The following SVOPL variants were observed in gnomAD, a reference collection of about 807,000 sequenced individuals.
SVOPL encodes the protein putative transporter SVOPL.
In SVOPL, 60 loss-of-function variants were observed where a neutral mutation model predicts 61.0. The ratio of observed to expected loss-of-function variants is 0.98; its 90% CI spans 0.80 to 1.22. The LOEUF (loss-of-function observed/expected upper bound fraction) is 1.22, where lower values mean the gene tolerates loss of function less well. SVOPL is among the 50% of genes most tolerant of loss of function. SVOPL has a pLI of 0.00. For missense variants in SVOPL, 662 were observed against 643.9 expected (o/e 1.03, Z -0.30); for synonymous variants, 279 against 250.0 (o/e 1.12, Z -1.09).
At chr7:138,692,201 G>A (rs1647230461) in intron 1 of SVOPL, among the ~76,000 whole-genome samples, 1 of 152,158 alleles carries the variant, frequency 6.6e-6, no homozygotes, top group Admixed American at 6.6e-5. Flanking sequence ...AGCCTTATGA[G>A]TTTCACGTCA....
At chr7:138,655,585 A>C (rs981852194) in intron 7 of SVOPL, among the ~76,000 whole-genome samples, 11 of 150,942 alleles carry the variant, frequency 7.3e-5, no homozygotes, top group African/African-American at 1.7e-4. Flanking sequence ...ACACACACAC[A>C]CCCCTACACA....
At chr7:138,622,270 G>C (rs28838300) in intron 13 of SVOPL, among the ~76,000 whole-genome samples, 33,658 of 81,776 alleles carry the variant, frequency 0.41, 5,809 homozygotes, top group East Asian at 0.63. Context: ...ATCTATCTAT[G>C]TATCTATCTA....
chr7:138,660,739 A>T, intron 5 of SVOPL: 1 of 985,394 alleles, frequency 1.0e-6, no homozygotes, highest in Non-Finnish European at 1.2e-6. Context: ...TTCAAGGTTC[A>T]TGTTTCATAC....
rs188872700 is a variant in SVOPL, at chr7:138,688,261, C to T, written c.-34-9182G>A. Among the ~76,000 whole-genome samples, 151 of 149,438 alleles carry T rather than the reference C, an allele frequency of 1.0e-3. 1 individual carries two copies. Among genetic ancestry groups the T allele is most frequent in the African/African-American group, 3.7e-3 (145 of 39,684 alleles). On this transcript the variant is annotated intron_variant, in intron 1 of 15. Transcript: ENST00000674285. Reference sequence around the variant, plus strand: ...TATCACTTCCTACTCAGTAGGATGCCGAAAAATTTTGGGGTTTTTTTTTTT... The same window carrying T: ...TATCACTTCCTACTCAGTAGGATGCTGAAAAATTTTGGGGTTTTTTTTTTT...
At chr7:138,668,030 C>G (rs1047393074) in intron 4 of SVOPL, among the ~76,000 whole-genome samples, 1 of 152,126 alleles carries the variant, frequency 6.6e-6, no homozygotes, top group Non-Finnish European at 1.5e-5. Context: ...TCTGACCCTC[C>G]CTAAACTGTT....
chr7:138,655,592 C>A (rs1453107177), intron 7 of SVOPL, among the ~76,000 whole-genome samples: 1 of 151,404 alleles, frequency 6.6e-6, no homozygotes, highest in Non-Finnish European at 1.5e-5. Context: ...CACACCCCTA[C>A]ACACACACTC....
In SVOPL at chr7:138,701,326, C is replaced by T. The variant is rs1228618772; in HGVS notation, c.-183G>A. 1 of 152,370 alleles carries T rather than the reference C, an allele frequency of 6.6e-6. No individual in the cohort carries two copies. The highest frequency in any genetic ancestry group is 2.1e-4 in the South Asian group (1 of 4,824). 9.4% of individuals were successfully genotyped at this position (152,370 alleles called of 1,614,324 possible). On this transcript the variant is annotated 5_prime_UTR_variant, in exon 1 of 16. Coordinates refer to ENST00000674285, the MANE Select transcript of SVOPL (RefSeq NM_001139456.2). Reference sequence around the variant, plus strand: ...AGACGCCTGGCTCCCTGGTCTTATCCTCTCCTTTCAGGTCGGGTCTCAGAT... The same window carrying T: ...AGACGCCTGGCTCCCTGGTCTTATCTTCTCCTTTCAGGTCGGGTCTCAGAT...
At chr7:138,611,902 C>A (rs1190023060) in intron 14 of SVOPL, among the ~76,000 whole-genome samples, 8 of 30,590 alleles carry the variant, frequency 2.6e-4, no homozygotes, top group African/African-American at 4.6e-4. Context: ...GTGTGCCCAA[C>A]AGCTCATTGA....
chr7:138,635,290 A>G (rs1030147277), intron 9 of SVOPL, among the ~76,000 whole-genome samples: 18 of 151,062 alleles, frequency 1.2e-4, no homozygotes, highest in African/African-American at 4.1e-4. Flanking sequence ...AAAAAAGTTA[A>G]TATGGTAAAT....
chr7:138,675,237 AAAAAAAG>A (rs1802529188), intron 3 of SVOPL, among the ~76,000 whole-genome samples: 1 of 150,256 alleles, frequency 6.7e-6, no homozygotes, highest in African/African-American at 2.4e-5. Flanking sequence ...CTCATCTCAA[AAAAAAAG>A]AAAAAAGAAA....
At chr7:138,671,885 C>T (rs1319261978) in intron 4 of SVOPL, 134 bp downstream of exon 4, 5 of 718,450 alleles carry the variant, frequency 7.0e-6, no homozygotes, top group East Asian at 5.4e-5. Flanking sequence ...ACATCAAATG[C>T]TGCAAACCCT....
At chr7:138,611,315 T>C (rs1428595845) in intron 14 of SVOPL, among the ~76,000 whole-genome samples, 1 of 151,930 alleles carries the variant, frequency 6.6e-6, no homozygotes, top group Non-Finnish European at 1.5e-5. Context: ...GAGGCAGAGG[T>C]TGTAGTGGGC....
chr7:138,692,081 C>G (rs752185431), intron 1 of SVOPL, among the ~76,000 whole-genome samples: 1 of 151,844 alleles, frequency 6.6e-6, no homozygotes, highest in Admixed American at 6.6e-5. Context: ...GAGGCCGAGG[C>G]GGGTGGATCA....
chr7:138,603,536 T>C (rs1431402076), intron 14 of SVOPL, among the ~76,000 whole-genome samples: 1 of 152,074 alleles, frequency 6.6e-6, no homozygotes, highest in East Asian at 1.9e-4. Context: ...AAAAATTAGC[T>C]GGGCATGCAC....
chr7:138,693,484 AAGAGAGAGAG>A (rs1210071412), intron 1 of SVOPL, among the ~76,000 whole-genome samples: 2 of 92,642 alleles, frequency 2.2e-5, no homozygotes, highest in African/African-American at 6.8e-5. Flanking sequence ...AAGAGAGAGA[AAGAGAGAGAG>A]AAAGAAGGGA....
At chr7:138,594,749 G>T in intron 15 of SVOPL, 128 bp from the exon 16 acceptor site, 1 of 576,968 alleles carries the variant, frequency 1.7e-6, no homozygotes, top group Non-Finnish European at 2.8e-6. Context: ...GAAAATCCTA[G>T]CATTTACCTT....
At chr7:138,662,360 A>C in intron 5 of SVOPL, 3 of 985,364 alleles carry the variant, frequency 3.0e-6, no homozygotes, top group Non-Finnish European at 3.6e-6. Context: ...GCTAGTTTCA[A>C]ACAGATAGGT....
intron 3 of SVOPL, among the ~76,000 whole-genome samples, chr7:138,675,113 T>TG (rs1802525830): frequency 6.6e-6 from 1 of 151,704 alleles, no homozygotes; most frequent in Admixed American, 6.6e-5. Context: ...GCTAGACTGT[T>TG]GCCTGAGGCC....
intron 14 of SVOPL, among the ~76,000 whole-genome samples, chr7:138,613,108 C>T (rs1317112327): frequency 9.9e-5 from 15 of 151,928 alleles, no homozygotes; most frequent in Non-Finnish European, 1.0e-4. Context: ...TCACCTCTGT[C>T]CCCAGGGTTC....
Sources: gnomAD v4.1 joint callset for allele counts (sites outside exome capture counted in the v4.1 genomes callset) on GRCh38, gnomAD v4.1.1 for gene constraint, MANE v1.5 for transcripts, NCBI Gene and HGNC (gene_info 2026-07-23, HGNC 2026-07-21) for gene names.